GRM4: variants seen among roughly 807,000 people sequenced by gnomAD.
GRM4 encodes the protein metabotropic glutamate receptor 4.
Under a neutral mutation model 81.7 loss-of-function variants are expected in GRM4, and 28 were observed. The observed-to-expected ratio is 0.34, with a 90% CI of 0.25 to 0.47. GRM4 has a LOEUF of 0.47. Ranked by LOEUF, GRM4 falls within the 20% of genes least tolerant of loss-of-function variation. The probability of loss-of-function intolerance (pLI) is 1.00; values close to 1 mark genes in which losing one functional copy is unlikely to be tolerated. For synonymous variants in GRM4, 488 were observed against 528.8 expected (o/e 0.92, Z 1.06); for missense variants, 948 against 1,290.0 (o/e 0.73, Z 4.06).
Position 34,056,700 on chromosome 6 carries a change from G to A in GRM4, c.1028-16C>T. ...CGGTCGAAGCCTGGCAGGGAACCAGGACGTCAGGGCCTCACTGGCCTTCTT... is the reference window on the plus strand; with the variant it reads ...CGGTCGAAGCCTGGCAGGGAACCAGAACGTCAGGGCCTCACTGGCCTTCTT... On this transcript the variant is annotated splice_polypyrimidine_tract_variant and intron_variant, in intron 5 of 10. Coordinates refer to ENST00000538487, the MANE Select transcript of GRM4 (RefSeq NM_000841.4). The A allele has an allele frequency of 1.2e-6, 2 of 1,610,972 alleles. No individual in the cohort carries two copies. The highest frequency in any genetic ancestry group is 1.3e-5 in the African/African-American group (1 of 74,920).
rs894654947 is a variant in GRM4, at chr6:34,068,912, G to A, written c.737-6884C>T. Among the ~76,000 whole-genome samples, 4 of 152,182 alleles carry A rather than the reference G, an allele frequency of 2.6e-5. No homozygotes were observed. The highest frequency in any genetic ancestry group is 4.4e-5 in the Non-Finnish European group (3 of 68,034). On this transcript the variant is annotated intron_variant, in intron 3 of 10. Coordinates refer to ENST00000538487, the MANE Select transcript of GRM4 (RefSeq NM_000841.4). This position sits in a 1 kb window ranked among gnomAD's most constrained non-coding sequence, Gnocchi z 4.2. ...CCAGCAGAGACATAGGCACATCCTC[G>A]CTTTCTCCCTTCCTTTAAAAAGAAT...
chr6:34,071,548 A>G (rs1766852717), intron 3 of GRM4, among the ~76,000 whole-genome samples: 1 of 34,442 alleles, frequency 2.9e-5, no homozygotes, highest in African/African-American at 1.1e-4. Flanking sequence ...CACACCATAC[A>G]CACATCACAC....
At chr6:34,137,750 ATT>A (rs5875495) in intron 1 of GRM4, among the ~76,000 whole-genome samples, 220 of 103,696 alleles carry the variant, frequency 2.1e-3, no homozygotes, top group Middle Eastern at 5.4e-3. Flanking sequence ...TGCCCACATA[ATT>A]TTTTTTTTTT....
chr6:34,113,458 C>T (rs1297379596), intron 2 of GRM4, among the ~76,000 whole-genome samples: 1 of 152,220 alleles, frequency 6.6e-6, no homozygotes, highest in African/African-American at 2.4e-5. Context: ...TTAAACCTAA[C>T]GTCTACCCAG....
In GRM4 at chr6:34,152,331, C is replaced by A. The variant is rs1771062477; in HGVS notation, c.312+2748G>T. On this transcript the variant is annotated intron_variant, in intron 1 of 8. Transcript: ENST00000374177. This position sits in a 1 kb window ranked among gnomAD's most constrained non-coding sequence, Gnocchi z 4.1. The stretch of plus-strand genomic sequence containing the variant: ...GCTGCGGTATCTCCAGCACGGACAC[C>A]AGGCAGGCTGCACTGCCCTGGAAAA... Among the ~76,000 whole-genome samples the A allele has an allele frequency of 6.6e-6, 1 of 152,200 alleles. No individual in the cohort carries two copies. Among genetic ancestry groups the A allele is most frequent in the African/African-American group, 2.4e-5 (1 of 41,448 alleles).
intron 2 of GRM4, among the ~76,000 whole-genome samples, chr6:34,129,387 G>C (rs762499299): frequency 2.6e-5 from 4 of 152,242 alleles, no homozygotes; most frequent in Non-Finnish European, 5.9e-5. Context: ...GAGGTAACTA[G>C]TGGATCAGGG....
rs993424703 is a variant in GRM4, at chr6:34,048,008, C to G, written c.1169-7260G>C. On this transcript the variant is annotated intron_variant, in intron 6 of 10. Coordinates refer to ENST00000538487, the MANE Select transcript of GRM4 (RefSeq NM_000841.4). The surrounding 1 kb of genome is among the most constrained non-coding windows in gnomAD (Gnocchi z 4.0). ...GAGAGCTTGGCTATGACAGTGAAGC[C>G]CAACTGTAAATGACCACAGCAGCAG... Among the ~76,000 whole-genome samples the G allele has an allele frequency of 6.6e-6, 1 of 152,154 alleles. No homozygotes were observed. The highest frequency in any genetic ancestry group is 1.5e-5 in the Non-Finnish European group (1 of 68,032).
intron 6 of GRM4, among the ~76,000 whole-genome samples, chr6:34,041,438 A>G (rs868467972): frequency 6.6e-6 from 1 of 152,096 alleles, no homozygotes; most frequent in Non-Finnish European, 1.5e-5. Flanking sequence ...ACCCATCCCC[A>G]TGGGCTTCTC....
intron 3 of GRM4, among the ~76,000 whole-genome samples, chr6:34,072,822 C>A (rs1767024280): frequency 6.8e-6 from 1 of 146,262 alleles, no homozygotes; most frequent in Non-Finnish European, 1.5e-5. Flanking sequence ...CACACACAAC[C>A]ACACATCACC....
chr6:34,095,869 G>A (rs1252238729), intron 2 of GRM4, among the ~76,000 whole-genome samples: 2 of 152,332 alleles, frequency 1.3e-5, no homozygotes, highest in Admixed American at 6.5e-5. Flanking sequence ...CAGGTGGGCA[G>A]GGAGCCACGT....
At chr6:34,098,847 T>G (rs2451348) in intron 2 of GRM4, among the ~76,000 whole-genome samples, 2 of 152,148 alleles carry the variant, frequency 1.3e-5, no homozygotes, top group African/African-American at 2.4e-5. Flanking sequence ...CAGCCTCCCC[T>G]ACAGCGCCTT....
chr6:34,071,843 A>G (rs929736615), intron 3 of GRM4, among the ~76,000 whole-genome samples: 5 of 142,332 alleles, frequency 3.5e-5, no homozygotes, highest in Non-Finnish European at 7.7e-5. Context: ...CCACACAGAT[A>G]CAAACCACAC....
Position 34,048,254 on chromosome 6 carries a change from G to A in GRM4, c.1169-7506C>T, listed in dbSNP as rs755925817. 5.3e-5 allele frequency among the ~76,000 whole-genome samples: 8 copies of A among 152,166 alleles called. No individual in the cohort carries two copies. Among genetic ancestry groups the A allele is most frequent in the Non-Finnish European group, 1.2e-4 (8 of 68,030 alleles). On this transcript the variant is annotated intron_variant, in intron 6 of 10. Coordinates refer to ENST00000538487, the MANE Select transcript of GRM4 (RefSeq NM_000841.4). The surrounding 1 kb of genome is among the most constrained non-coding windows in gnomAD (Gnocchi z 4.0). ...CCCACTCAGCCCCTTGCTGGGCCTG[G>A]CAAGTCACTTAGCATCTATGAGCTT... is the stretch of plus-strand genomic sequence containing the variant.
intron 1 of GRM4, among the ~76,000 whole-genome samples, chr6:34,140,287 A>G (rs1770625752): frequency 6.6e-6 from 1 of 152,014 alleles, no homozygotes; most frequent in Admixed American, 6.6e-5. Flanking sequence ...TTCGAGAATG[A>G]GCAAGGAGGC....
chr6:34,091,185 G>A (rs1466680680), intron 3 of GRM4, among the ~76,000 whole-genome samples: 1 of 152,204 alleles, frequency 6.6e-6, no homozygotes, highest in African/African-American at 2.4e-5. Flanking sequence ...GGCCCTGCTA[G>A]GTGGGAGTCA....
At chr6:34,025,901 G>C (rs1235240138) in intron 10 of GRM4, among the ~76,000 whole-genome samples, 2 of 152,168 alleles carry the variant, frequency 1.3e-5, no homozygotes, top group African/African-American at 4.8e-5. Context: ...GACAGGGCTG[G>C]AATTATTCCA....
intron 2 of GRM4, among the ~76,000 whole-genome samples, chr6:34,101,077 A>G (rs1015814236): frequency 1.3e-5 from 2 of 152,026 alleles, no homozygotes; most frequent in African/African-American, 2.4e-5. Flanking sequence ...GCCAGGAATG[A>G]CTCTTATTTA....
At chr6:34,094,019 T>C (rs761856649) in intron 2 of GRM4, among the ~76,000 whole-genome samples, 4 of 152,190 alleles carry the variant, frequency 2.6e-5, no homozygotes, top group Non-Finnish European at 5.9e-5. Flanking sequence ...CAAGAGGGGA[T>C]TGTTTAAAGA....
At chr6:34,102,296 G>T in intron 2 of GRM4, 1 of 690,120 alleles carries the variant, frequency 1.4e-6, no homozygotes. Context: ...AATTACACTT[G>T]GCATTTTAAC....
Sources: allele counts gnomAD v4.1 joint callset (sites outside exome capture counted in the v4.1 genomes callset), GRCh38; gene constraint gnomAD v4.1.1; non-coding constraint Gnocchi (gnomAD v3.1); transcripts MANE v1.5; gene names NCBI Gene and HGNC (gene_info 2026-07-23, HGNC 2026-07-21).